ABCA12: variants seen among roughly 807,000 people sequenced by gnomAD.
ABCA12 encodes the protein glucosylceramide transporter ABCA12.
A neutral mutation model predicts 293.5 loss-of-function variants in ABCA12; 156 were observed. That is an observed-to-expected ratio of 0.53 (90% CI 0.47 to 0.61). The LOEUF (loss-of-function observed/expected upper bound fraction) is 0.61. Among genes scored for constraint, ABCA12 ranks in the 20% least tolerant of loss-of-function variants. The probability of loss-of-function intolerance (pLI) is 0.00; values close to 1 mark genes in which losing one functional copy is unlikely to be tolerated. For missense variants in ABCA12, 2,797 were observed against 3,090.2 expected (o/e 0.91, Z 2.25); for synonymous variants, 1,063 against 1,108.0 (o/e 0.96, Z 0.81).
At chr2:214,976,165 G>A in intron 33 of ABCA12, 128 bp from the exon 34 acceptor site, 1 of 1,317,720 alleles carries the variant, frequency 7.6e-7, no homozygotes, top group South Asian at 1.3e-5. Context: ...TTGGATTTGA[G>A]GTTCAGCAAT....
At chr2:215,126,083 G>A (rs1269114103) in intron 1 of ABCA12, among the ~76,000 whole-genome samples, 2 of 152,110 alleles carry the variant, frequency 1.3e-5, no homozygotes, top group South Asian at 2.1e-4. Flanking sequence ...TTCTGTTTAT[G>A]TGGTGTATCA....
intron 45 of ABCA12, 122 bp downstream of exon 45, chr2:214,950,757 G>A (rs1252831095): frequency 1.2e-5 from 12 of 1,037,518 alleles, no homozygotes; most frequent in East Asian, 2.6e-5. Flanking sequence ...CACCCACCTC[G>A]GCCTCCCAAA....
At chr2:215,082,711 C>G (rs959785161) in intron 2 of ABCA12, 2 of 152,322 alleles carry the variant, frequency 1.3e-5, no homozygotes, top group South Asian at 2.1e-4. Context: ...CCACCTCACA[C>G]AAGCCCCCTG....
chr2:215,053,655 C>G (rs947170968), intron 4 of ABCA12, among the ~76,000 whole-genome samples: 2 of 151,930 alleles, frequency 1.3e-5, no homozygotes, highest in Non-Finnish European at 2.9e-5. Context: ...CTTGCTCCAT[C>G]AACTTGCATT....
intron 1 of ABCA12, among the ~76,000 whole-genome samples, chr2:215,133,793 C>T (rs1313955494): frequency 6.6e-6 from 1 of 152,052 alleles, no homozygotes; most frequent in East Asian, 1.9e-4. Context: ...ATTTCCAAGG[C>T]CTCCTTAGCA....
At chr2:215,098,260 A>G (rs1702288078) in intron 2 of ABCA12, among the ~76,000 whole-genome samples, 1 of 152,140 alleles carries the variant, frequency 6.6e-6, no homozygotes, top group Non-Finnish European at 1.5e-5. Context: ...CCCCTGCAAT[A>G]TTACTGCTCT....
At chr2:215,076,253 C>T (rs80249662) in intron 2 of ABCA12, among the ~76,000 whole-genome samples, 49 of 152,268 alleles carry the variant, frequency 3.2e-4, no homozygotes, top group Non-Finnish European at 6.6e-4. Flanking sequence ...TGGCCTTCTC[C>T]CTCTCTCTTC....
chr2:214,936,826 C>A (rs542597766), intron 51 of ABCA12, among the ~76,000 whole-genome samples: 1 of 151,732 alleles, frequency 6.6e-6, no homozygotes, highest in Non-Finnish European at 1.5e-5. Context: ...GAAGAAATGA[C>A]CTTGGTCATA....
intron 48 of ABCA12, among the ~76,000 whole-genome samples, chr2:214,947,174 T>C (rs1698608675): frequency 6.6e-6 from 1 of 152,230 alleles, no homozygotes; most frequent in Non-Finnish European, 1.5e-5. Context: ...CAGTGTTTCC[T>C]TGGAAACGCA....
At chr2:214,995,967 G>A (rs535018729) in intron 23 of ABCA12, among the ~76,000 whole-genome samples, 1 of 152,138 alleles carries the variant, frequency 6.6e-6, no homozygotes, top group Non-Finnish European at 1.5e-5. Context: ...AGACTCAAAG[G>A]GTTTAAGAGA....
chr2:215,096,337 T>C (rs181252377), intron 2 of ABCA12, among the ~76,000 whole-genome samples: 2 of 152,328 alleles, frequency 1.3e-5, no homozygotes, highest in East Asian at 1.9e-4. Context: ...GAGATTTGAA[T>C]TGAGTACCCT....
chr2:215,082,342 C>T (rs1031073442), intron 2 of ABCA12, among the ~76,000 whole-genome samples: 7 of 152,086 alleles, frequency 4.6e-5, no homozygotes, highest in African/African-American at 7.2e-5. Flanking sequence ...TATTTTAATG[C>T]TCTTTTTTCT....
At chr2:214,957,099 C>T (rs1178199842) in intron 41 of ABCA12, among the ~76,000 whole-genome samples, 1 of 152,142 alleles carries the variant, frequency 6.6e-6, no homozygotes, top group Non-Finnish European at 1.5e-5. Context: ...ATAAGACAGC[C>T]AGGTATCTTG....
At chr2:214,971,659 T>C (rs1290006891) in intron 36 of ABCA12, among the ~76,000 whole-genome samples, 2 of 152,228 alleles carry the variant, frequency 1.3e-5, no homozygotes, top group Non-Finnish European at 2.9e-5. Flanking sequence ...ATGTTATGTA[T>C]GGTGGTCGAT....
chr2:215,054,463 T>C, intron 4 of ABCA12, 110 bp downstream of exon 4: 1 of 964,330 alleles, frequency 1.0e-6, no homozygotes, highest in Non-Finnish European at 1.7e-6. Flanking sequence ...ACAGGGCTAT[T>C]CTAAGCATTC....
intron 29 of ABCA12, among the ~76,000 whole-genome samples, chr2:214,983,255 G>A (rs896678323): frequency 5.3e-5 from 8 of 152,130 alleles, no homozygotes; most frequent in South Asian, 2.1e-4. Context: ...GCCACTGGAC[G>A]ATTTAAATCC....
intron 6 of ABCA12, among the ~76,000 whole-genome samples, chr2:215,048,540 CA>C (rs61442339): frequency 1.8e-3 from 256 of 143,786 alleles, no homozygotes; most frequent in Middle Eastern, 3.6e-3. Flanking sequence ...ACTAATAATA[CA>C]AAAAAAAAAA....
chr2:215,010,355 T>A lies in ABCA12; in HGVS notation c.2448A>T (p.Pro816=). The stretch of plus-strand genomic sequence containing the variant: ...CCTTTTCCATTATTGCCTTTGTGAC[T>A]GGGTTATATGGTGCATACAAAATTC... ...LGRILYAPYN[P]VTKAIMEKSN... Residue 816 remains proline, a synonymous_variant, in exon 18 of 53, where the codon CCA becomes CCT. Coordinates refer to ENST00000272895, the MANE Select transcript of ABCA12 (RefSeq NM_173076.3). 6.2e-7 allele frequency: 1 copy of A among 1,613,800 alleles called. No homozygotes were observed. The highest frequency in any genetic ancestry group is 8.5e-7 in the Non-Finnish European group (1 of 1,179,744).
At chr2:215,127,536 AT>A (rs1006476308) in intron 1 of ABCA12, among the ~76,000 whole-genome samples, 7 of 152,164 alleles carry the variant, frequency 4.6e-5, no homozygotes, top group Admixed American at 3.9e-4. Context: ...GCCTTTTACC[AT>A]TATATAATGT....
Sources: allele counts gnomAD v4.1 joint callset (sites outside exome capture counted in the v4.1 genomes callset), GRCh38; gene constraint gnomAD v4.1.1; transcripts MANE v1.5; gene names NCBI Gene and HGNC (gene_info 2026-07-23, HGNC 2026-07-21).